The following RIPOR2 variants were observed in gnomAD, a reference collection of about 807,000 sequenced individuals.
RIPOR2 encodes the protein rho family-interacting cell polarization regulator 2.
A neutral mutation model predicts 114.5 loss-of-function variants in RIPOR2; 39 were observed. That is an observed-to-expected ratio of 0.34 (90% CI 0.26 to 0.44). The LOEUF is 0.44. Ranked by LOEUF, RIPOR2 falls within the 20% of genes least tolerant of loss-of-function variation. The pLI is 1.00. For synonymous variants in RIPOR2, 445 were observed against 484.4 expected (o/e 0.92, Z 1.07); for missense variants, 1,007 against 1,255.1 (o/e 0.80, Z 2.99).
chr6:24,810,908 G>C (rs1219067869), intron 20 of RIPOR2, among the ~76,000 whole-genome samples: 1 of 152,010 alleles, frequency 6.6e-6, no homozygotes, highest in East Asian at 1.9e-4. Flanking sequence ...GGGTTCAAGC[G>C]ATTCTCCTGC....
intron 1 of RIPOR2, among the ~76,000 whole-genome samples, chr6:24,980,182 T>G (rs2113579360): frequency 6.6e-6 from 1 of 152,358 alleles, no homozygotes; most frequent in South Asian, 2.1e-4. Context: ...TCTAGAGCCA[T>G]TGAGAAGCTG....
intron 5 of RIPOR2, among the ~76,000 whole-genome samples, chr6:24,869,348 G>A (rs957532754): frequency 5.1e-5 from 7 of 136,030 alleles, no homozygotes; most frequent in Admixed American, 7.8e-5. Context: ...ATGAAGTTTC[G>A]CTCTTGTTGC....
chr6:24,828,767 G>A (rs1562227337), intron 17 of RIPOR2, among the ~76,000 whole-genome samples: 1 of 151,962 alleles, frequency 6.6e-6, no homozygotes, highest in Non-Finnish European at 1.5e-5. Context: ...AGAGACAAGT[G>A]AGAGAGGAAA....
chr6:24,809,129 T>C lies in RIPOR2; in HGVS notation c.3043+588A>G, dbSNP rs149776968. On this transcript the variant is annotated intron_variant, in intron 21 of 21. Transcript: ENST00000643898. ...TCCCAAGTCCCCAAAAAAGAATAAA[T>C]GTATAATGCCTGCTAGGCATGAACC... is the stretch of plus-strand genomic sequence containing the variant. Among the ~76,000 whole-genome samples, 909 of 152,124 alleles carry C rather than the reference T, an allele frequency of 6.0e-3. 5 individuals carry two copies. Among genetic ancestry groups the C allele is most frequent in the Non-Finnish European group, 9.8e-3 (669 of 67,994 alleles).
intron 3 of RIPOR2, 60 bp from the exon 4 acceptor site, chr6:24,873,019 C>A: frequency 8.8e-7 from 1 of 1,138,526 alleles, no homozygotes; most frequent in Non-Finnish European, 1.3e-6. Context: ...GAATCTGGTG[C>A]TGTTGCTGAC....
intron 1 of RIPOR2, among the ~76,000 whole-genome samples, chr6:24,916,624 G>A (rs891528775): frequency 3.3e-5 from 5 of 152,142 alleles, no homozygotes; most frequent in Non-Finnish European, 7.3e-5. Flanking sequence ...ATTTCAACCC[G>A]ACAAGTGACA....
At chr6:24,811,465 G>C (rs1224567317) in intron 20 of RIPOR2, among the ~76,000 whole-genome samples, 3 of 151,394 alleles carry the variant, frequency 2.0e-5, no homozygotes, top group Non-Finnish European at 2.9e-5. Context: ...TCGATCTCCT[G>C]ACCTCAAGTG....
chr6:24,951,413 G>A (rs1772753701), intron 1 of RIPOR2, among the ~76,000 whole-genome samples: 1 of 152,138 alleles, frequency 6.6e-6, no homozygotes. Context: ...GTCTTTGCAT[G>A]GTGTTGTCTG....
intron 1 of RIPOR2, among the ~76,000 whole-genome samples, chr6:24,917,593 G>A (rs1392267566): frequency 3.3e-5 from 5 of 152,128 alleles, no homozygotes; most frequent in South Asian, 2.1e-4. Context: ...GCAATGGCGC[G>A]ATCTTGCCTC....
chr6:24,855,870 C>A lies in RIPOR2; in HGVS notation c.716-3252G>T, dbSNP rs568042950. 9.2e-5 allele frequency among the ~76,000 whole-genome samples: 14 copies of A among 152,180 alleles called. No homozygotes were observed. The South Asian group carries it at 2.9e-3, about 32-fold the overall frequency. On this transcript the variant is annotated intron_variant, in intron 8 of 21. Coordinates refer to ENST00000643898, the MANE Select transcript of RIPOR2 (RefSeq NM_001286445.3). Reference sequence around the variant, plus strand: ...GCAACACAGTGAGACCCTATCTCTACGAAAAATTTAAAAATTAGCCAGTCA... The same window carrying A: ...GCAACACAGTGAGACCCTATCTCTAAGAAAAATTTAAAAATTAGCCAGTCA...
intron 7 of RIPOR2, 81 bp downstream of exon 7, chr6:24,865,220 T>TAA (rs1764468295): frequency 8.0e-7 from 1 of 1,248,230 alleles, no homozygotes; most frequent in Admixed American, 2.2e-5. Context: ...GGGTTGCTGT[T>TAA]TGCCTTGTTC....
chr6:24,844,507 G>C (rs1215934826), intron 12 of RIPOR2, among the ~76,000 whole-genome samples: 2 of 145,910 alleles, frequency 1.4e-5, no homozygotes, highest in Admixed American at 1.4e-4. Flanking sequence ...TTTCCCTTTT[G>C]TTGCCCAGGC....
intron 1 of RIPOR2, among the ~76,000 whole-genome samples, chr6:24,932,970 A>G (rs1771518319): frequency 6.6e-6 from 1 of 152,130 alleles, no homozygotes; most frequent in Non-Finnish European, 1.5e-5. Flanking sequence ...GAGAATGTGT[A>G]ATCAGTCCCC....
At chr6:24,989,137 A>G (rs1309494351) in intron 1 of RIPOR2, among the ~76,000 whole-genome samples, 2 of 152,092 alleles carry the variant, frequency 1.3e-5, no homozygotes, top group African/African-American at 2.4e-5. Flanking sequence ...GGTGATATAT[A>G]TCTGCTGAGT....
rs569429457 is a variant in RIPOR2, at chr6:24,896,612, A to G, written c.62-20795T>C. Among the ~76,000 whole-genome samples the G allele has an allele frequency of 1.2e-4, 19 of 152,342 alleles. No homozygotes were observed. The South Asian group carries it at 3.5e-3, about 28-fold the overall frequency. ...AGGTCAAAAATAGTTGGCTCTTCCT[A>G]TTAAAAAATAGGCTGGGCACGGTGG... On this transcript the variant is annotated intron_variant, in intron 1 of 21. Coordinates refer to ENST00000643898, the MANE Select transcript of RIPOR2 (RefSeq NM_001286445.3).
At chr6:24,904,819 GGC>G (rs1338774740) in intron 1 of RIPOR2, among the ~76,000 whole-genome samples, 1 of 152,216 alleles carries the variant, frequency 6.6e-6, no homozygotes, top group Non-Finnish European at 1.5e-5. Context: ...TTGTTGCCCA[GGC>G]TGGAGTGCAG....
At chr6:24,823,814 T>C (rs1759909363) in intron 19 of RIPOR2, among the ~76,000 whole-genome samples, 1 of 152,186 alleles carries the variant, frequency 6.6e-6, no homozygotes, top group African/African-American at 2.4e-5. Flanking sequence ...TGGAGTCCAG[T>C]GGCGCAATCT....
rs200945569 is a variant in RIPOR2 at position 24,950,244 on chromosome 6, GATA to G, written c.77-74430_77-74428del. Among the ~76,000 whole-genome samples, 452 of 152,280 alleles carry G rather than the reference GATA, an allele frequency of 3.0e-3. 1 individual carries two copies. Among genetic ancestry groups the G allele is most frequent in the Middle Eastern group, 0.014 (4 of 294 alleles). On this transcript the variant is annotated intron_variant, in intron 1 of 13. Transcript: ENST00000510784. ...GTATTGCTGATTATAGGTATTATCTGATAATAATAATCCTGTCAAGTACTTGCT... is the reference window on the plus strand; with the variant it reads ...GTATTGCTGATTATAGGTATTATCTGATAATAATCCTGTCAAGTACTTGCT...
intron 12 of RIPOR2, among the ~76,000 whole-genome samples, chr6:24,847,233 G>GT (rs1562254698): frequency 6.6e-6 from 1 of 152,212 alleles, no homozygotes; most frequent in Non-Finnish European, 1.5e-5. Flanking sequence ...GATTACAGGC[G>GT]TGAGCCACCA....
Sources: gnomAD v4.1 joint callset for allele counts (sites outside exome capture counted in the v4.1 genomes callset) on GRCh38, gnomAD v4.1.1 for gene constraint, MANE v1.5 for transcripts, NCBI Gene and HGNC (gene_info 2026-07-23, HGNC 2026-07-21) for gene names.